NAA25: variants seen among roughly 807,000 people sequenced by gnomAD.
NAA25 encodes N-alpha-acetyltransferase 25, NatB auxiliary subunit, also known as N-terminal acetyltransferase B complex subunit NAA25.
In NAA25, 30 loss-of-function variants were observed where a neutral mutation model predicts 132.5. The observed-to-expected ratio is 0.23, with a 90% confidence interval of 0.17 to 0.31. The LOEUF is 0.31. NAA25 is among the 10% of genes least tolerant of loss of function. NAA25 has a pLI of 1.00. For synonymous variants in NAA25, 359 were observed against 401.9 expected (o/e 0.89, Z 1.28); for missense variants, 771 against 1,150.4 (o/e 0.67, Z 4.77).
chr12:112,036,199 A>G (rs2078222301), intron 22 of NAA25, among the ~76,000 whole-genome samples: 1 of 152,210 alleles, frequency 6.6e-6, no homozygotes, highest in African/African-American at 2.4e-5. Flanking sequence ...AACTGAATAC[A>G]AATGGAAATA....
intron 10 of NAA25, among the ~76,000 whole-genome samples, chr12:112,069,725 CAGG>C (rs1405328719): frequency 6.6e-6 from 1 of 151,354 alleles, no homozygotes; most frequent in East Asian, 1.9e-4. Context: ...GAGGCTGAGG[CAGG>C]AGAACTGTTT....
rs763308151 is a variant in NAA25 at position 112,047,791 on chromosome 12, C to A, written c.1881-1G>T. 1 of 1,598,154 alleles carries A rather than the reference C, an allele frequency of 6.3e-7. No homozygotes were observed. The highest frequency in any genetic ancestry group is 1.2e-5 in the South Asian group (1 of 86,890). On this transcript the variant is annotated splice_acceptor_variant, in intron 16 of 23. Coordinates refer to ENST00000261745, the MANE Select transcript of NAA25 (RefSeq NM_024953.4). LOFTEE classifies it high-confidence loss of function. ...TATACTTTCTGCTAAACTGGTTGAT[C>A]TGTGATAGAGAAAAATCCACATATT...
At chr12:112,083,218 G>A (rs1353677758) in intron 4 of NAA25, among the ~76,000 whole-genome samples, 4 of 152,188 alleles carry the variant, frequency 2.6e-5, no homozygotes, top group African/African-American at 7.2e-5. Context: ...CGTGGCTCAC[G>A]CCTGTAATCC....
chr12:112,069,018 T>G (rs1286834417), intron 10 of NAA25, 26 bp from the exon 11 acceptor site: 1 of 1,282,106 alleles, frequency 7.8e-7, no homozygotes, highest in Non-Finnish European at 1.1e-6. Context: ...CAAAATCACT[T>G]TATTACTCAT....
At chr12:112,050,376 A>G (rs945599683) in intron 15 of NAA25, among the ~76,000 whole-genome samples, 6 of 152,246 alleles carry the variant, frequency 3.9e-5, no homozygotes, top group Non-Finnish European at 8.8e-5. Context: ...TCATTTATGC[A>G]CCAATGAGGC....
At chr12:112,057,743 C>T (rs983930306) in intron 13 of NAA25, among the ~76,000 whole-genome samples, 1 of 152,184 alleles carries the variant, frequency 6.6e-6, no homozygotes, top group African/African-American at 2.4e-5. Flanking sequence ...ATAATCCCAG[C>T]ACTTTGGGAG....
Position 112,043,851 on chromosome 12 carries a change from T to C in NAA25, c.2024A>G (p.His675Arg), listed in dbSNP as rs745318640. 5 of 1,613,468 alleles carry C rather than the reference T, an allele frequency of 3.1e-6. No individual in the cohort carries two copies. The highest frequency in any genetic ancestry group is 1.7e-5 in the Admixed American group (1 of 60,008). ...CTCCTCCTCTAAGGAAAGTTTCTTATGTTCTTCAGAAACGTCCCTTAAACA... is the reference window on the plus strand; with the variant it reads ...CTCCTCCTCTAAGGAAAGTTTCTTACGTTCTTCAGAAACGTCCCTTAAACA... ...DPKDRDVSEE[H>R]KKLSLEEETL... Residue 675 changes from histidine (H) to arginine (R), a missense_variant, in exon 18 of 24, where the codon CAT becomes CGT. Transcript: ENST00000261745.
At chr12:112,035,432 T>C (rs2078211268) in intron 22 of NAA25, 1 of 152,144 alleles carries the variant, frequency 6.6e-6, no homozygotes, top group South Asian at 2.1e-4. Flanking sequence ...AGTGCTGGGA[T>C]TACAAGCATG....
intron 15 of NAA25, among the ~76,000 whole-genome samples, chr12:112,052,128 G>A (rs1330706490): frequency 6.6e-6 from 1 of 152,074 alleles, no homozygotes; most frequent in East Asian, 1.9e-4. Flanking sequence ...ATGAGATGAG[G>A]AAACCAATCC....
At chr12:112,054,319 AAGTT>A (rs1445329149) in intron 14 of NAA25, 65 bp downstream of exon 14, 1 of 1,360,264 alleles carries the variant, frequency 7.4e-7, no homozygotes, top group South Asian at 1.4e-5. Context: ...TTTAAAATCT[AAGTT>A]AGAGTCCTGT....
intron 4 of NAA25, among the ~76,000 whole-genome samples, chr12:112,085,028 G>A (rs1322935202): frequency 1.3e-5 from 2 of 152,070 alleles, no homozygotes; most frequent in Admixed American, 6.6e-5. Context: ...TGAGGAGTTC[G>A]AGACCAGCCT....
intron 13 of NAA25, among the ~76,000 whole-genome samples, chr12:112,059,784 G>A (rs1002528965): frequency 2.0e-5 from 3 of 149,420 alleles, no homozygotes; most frequent in Admixed American, 6.7e-5. Flanking sequence ...CATTATCCTG[G>A]TTACAAGGGG....
intron 4 of NAA25, among the ~76,000 whole-genome samples, chr12:112,085,851 C>G (rs71465823): frequency 6.7e-6 from 1 of 149,368 alleles, no homozygotes; most frequent in Non-Finnish European, 1.5e-5. Context: ...AACCCCGTCT[C>G]TACTAAAAAT....
At chr12:112,094,423 A>G (rs548406603) in intron 1 of NAA25, among the ~76,000 whole-genome samples, 1 of 152,232 alleles carries the variant, frequency 6.6e-6, no homozygotes, top group South Asian at 2.1e-4. Flanking sequence ...AAATCTTAAA[A>G]TCTTTTAAAA....
intron 22 of NAA25, among the ~76,000 whole-genome samples, chr12:112,037,127 T>A (rs2078234001): frequency 6.6e-6 from 1 of 151,732 alleles, no homozygotes; most frequent in African/African-American, 2.4e-5. Context: ...TGAGGACATG[T>A]TAAAGGACAG....
At chr12:112,071,534 G>T (rs1463898520) in intron 10 of NAA25, among the ~76,000 whole-genome samples, 1 of 151,846 alleles carries the variant, frequency 6.6e-6, no homozygotes, top group Non-Finnish European at 1.5e-5. Flanking sequence ...GTTTCACCAT[G>T]TTGCCCCAGC....
intron 5 of NAA25, among the ~76,000 whole-genome samples, chr12:112,080,307 A>C (rs916240415): frequency 2.6e-5 from 4 of 151,278 alleles, no homozygotes; most frequent in African/African-American, 7.3e-5. Context: ...AAAACCCAAA[A>C]AACTCAAAAC....
In NAA25 at chr12:112,090,661, A is replaced by C. The variant is rs560816025; in HGVS notation, c.283+65T>G. The C allele has an allele frequency of 3.3e-6, 5 of 1,537,362 alleles. No homozygotes were observed. In the East Asian group the frequency reaches 6.8e-5, roughly 21 times the overall value. On this transcript the variant is annotated intron_variant, in intron 3 of 23. Coordinates refer to ENST00000261745, the MANE Select transcript of NAA25 (RefSeq NM_024953.4). ...CATGAGTGAGAAATCAGACAAGGGC[A>C]AACAGTCAGAAATATCCAAAATTTT...
At chr12:112,059,497 T>A (rs2078594476) in intron 13 of NAA25, among the ~76,000 whole-genome samples, 1 of 152,226 alleles carries the variant, frequency 6.6e-6, no homozygotes, top group Non-Finnish European at 1.5e-5. Context: ...ATTTGCTGAA[T>A]CATCCTTCTC....
Sources: gnomAD v4.1 joint callset for allele counts (sites outside exome capture counted in the v4.1 genomes callset) on GRCh38, gnomAD v4.1.1 for gene constraint, MANE v1.5 for transcripts, NCBI Gene and HGNC (gene_info 2026-07-23, HGNC 2026-07-21) for gene names.